PIWIL2: variants seen among roughly 807,000 people sequenced by gnomAD.
PIWIL2 encodes piwi-like protein 2.
In PIWIL2, 81 loss-of-function variants were observed where a neutral mutation model predicts 116.5. The ratio of observed to expected loss-of-function variants is 0.70; its 90% CI spans 0.58 to 0.84. The LOEUF is 0.84. PIWIL2 is among the 40% of genes least tolerant of loss of function. PIWIL2 has a pLI of 0.00. For synonymous variants in PIWIL2, 489 were observed against 429.5 expected (o/e 1.14, Z -1.71); for missense variants, 1,272 against 1,212.3 (o/e 1.05, Z -0.73).
chr8:22,304,691 A>G (rs372342855), intron 11 of PIWIL2, 93 bp from the exon 12 acceptor site: 2 of 691,694 alleles, frequency 2.9e-6, no homozygotes, highest in African/African-American at 1.7e-5. Context: ...TGCAAATTAT[A>G]TACCTCAGTC....
At position 22,287,602 on chromosome 8, in the gene PIWIL2, C is replaced by T. The variant is rs1304110900; in HGVS notation, c.818C>T (p.Ala273Val). 8 of 1,613,050 alleles carry T rather than the reference C, an allele frequency of 5.0e-6. No homozygotes were observed. Among genetic ancestry groups the T allele is most frequent in the Non-Finnish European group, 5.9e-6 (7 of 1,179,026 alleles). ...DHQAVTGNVT[A>V]FDGSILYLPV... ...CAAGCTGTCACCGGCAACGTCACTGCGTTTGATGGATCTATTCTCTATCTG... is the reference window on the plus strand; with the variant it reads ...CAAGCTGTCACCGGCAACGTCACTGTGTTTGATGGATCTATTCTCTATCTG... Residue 273 changes from alanine (A) to valine (V), a missense_variant, in exon 7 of 23, where the codon GCG becomes GTG. Transcript: ENST00000356766.
At position 22,309,969 on chromosome 8, in the gene PIWIL2, A is replaced by C; in HGVS notation, c.1695A>C (p.Gly565=). Residue 565 remains glycine, a synonymous_variant, in exon 15 of 23, where the codon GGA becomes GGC. Transcript: ENST00000356766. ...RLQKDVHKIE[G]RVLPMERINL... ...GTTTATTTTCTGTTTAGATTGAAGG[A>C]CGTGTTCTGCCAATGGAAAGAATTA... 6.3e-7 allele frequency: 1 copy of C among 1,587,692 alleles called. No individual in the cohort carries two copies.
At chr8:22,291,701 A>C (rs1830771948) in intron 10 of PIWIL2, among the ~76,000 whole-genome samples, 1 of 152,138 alleles carries the variant, frequency 6.6e-6, no homozygotes, top group African/African-American at 2.4e-5. Context: ...GGGCTTGTAA[A>C]TCTTTGCTCC....
chr8:22,327,808 G>A (rs1037854410), intron 20 of PIWIL2, among the ~76,000 whole-genome samples: 6 of 152,194 alleles, frequency 3.9e-5, no homozygotes, highest in East Asian at 1.9e-4. Context: ...GCTATTTGTC[G>A]TTTTGTTGTT....
chr8:22,278,270 C>T (rs1024093148), intron 1 of PIWIL2, among the ~76,000 whole-genome samples: 2 of 152,168 alleles, frequency 1.3e-5, no homozygotes, highest in African/African-American at 4.8e-5. Flanking sequence ...CCTATTATCC[C>T]AGCATTTTGG....
At chr8:22,316,190 A>G in intron 18 of PIWIL2, 55 bp from the exon 19 acceptor site, 1 of 1,015,408 alleles carries the variant, frequency 9.8e-7, no homozygotes, top group South Asian at 1.3e-5. Flanking sequence ...TTAAAAATGG[A>G]GGAATGCATT....
intron 19 of PIWIL2, 101 bp downstream of exon 19, chr8:22,316,434 T>C: frequency 1.3e-6 from 1 of 752,646 alleles, no homozygotes; most frequent in Non-Finnish European, 2.3e-6. Flanking sequence ...TATTACAATA[T>C]AAAGATTTCT....
chr8:22,311,707 T>G (rs2132044813), intron 16 of PIWIL2, among the ~76,000 whole-genome samples: 1 of 152,316 alleles, frequency 6.6e-6, no homozygotes, highest in South Asian at 2.1e-4. Context: ...GATGGCCCAT[T>G]GATTGGGTCC....
At chr8:22,302,450 A>T (rs1440830180) in intron 10 of PIWIL2, among the ~76,000 whole-genome samples, 2 of 152,076 alleles carry the variant, frequency 1.3e-5, no homozygotes, top group African/African-American at 4.8e-5. Flanking sequence ...AAGTGCTGGG[A>T]TTACAGGTGT....
intron 14 of PIWIL2, among the ~76,000 whole-genome samples, 159 bp downstream of exon 14, chr8:22,308,232 G>A (rs1831237632): frequency 6.6e-6 from 1 of 151,162 alleles, no homozygotes; most frequent in South Asian, 2.1e-4. Context: ...GTCTTATTGG[G>A]ATTACAGGTA....
In PIWIL2 at chr8:22,311,235, G is replaced by A; in HGVS notation, c.1924G>A (p.Val642Ile). The A allele has an allele frequency of 6.2e-7, 1 of 1,614,138 alleles. No individual in the cohort carries two copies. Among genetic ancestry groups the A allele is most frequent in the Non-Finnish European group, 8.5e-7 (1 of 1,180,008 alleles). ...CATGCGTATGAGCCCACCGGCCTGG[G>A]TTGAACTAAAGGATGACCGAATAGA... ...IGMRMSPPAWVELKDDRIETY... is the reference protein window; with the variant it reads ...IGMRMSPPAWIELKDDRIETY... Residue 642 changes from valine to isoleucine, a missense_variant, in exon 16 of 23, where the codon GTT becomes ATT. Coordinates refer to ENST00000356766, the MANE Select transcript of PIWIL2 (RefSeq NM_018068.5).
chr8:22,294,141 C>G (rs963061283), intron 10 of PIWIL2, among the ~76,000 whole-genome samples: 1 of 150,900 alleles, frequency 6.6e-6, no homozygotes, highest in Non-Finnish European at 1.5e-5. Context: ...AGTTCAAGAC[C>G]AGCCTGGCCA....
intron 15 of PIWIL2, 132 bp from the exon 16 acceptor site, chr8:22,310,980 A>G: frequency 1.1e-5 from 8 of 746,184 alleles, no homozygotes; most frequent in Non-Finnish European, 1.8e-5. Context: ...GTTCATGTTA[A>G]TACAGGAGTT....
intron 21 of PIWIL2, among the ~76,000 whole-genome samples, chr8:22,353,964 CAG>C (rs1832434395): frequency 6.6e-6 from 1 of 151,824 alleles, no homozygotes; most frequent in South Asian, 2.1e-4. Context: ...TTTGTAGAGA[CAG>C]GGTCTTGCCA....
chr8:22,305,172 C>CATTCATTT lies in PIWIL2; in HGVS notation c.1455+307_1455+308insCATTTATT, dbSNP rs35865110. Among the ~76,000 whole-genome samples the CATTCATTT allele has an allele frequency of 1.7e-3, 250 of 143,940 alleles. 2 individuals are homozygous for CATTCATTT. Among genetic ancestry groups the CATTCATTT allele is most frequent in the South Asian group, 5.4e-3 (23 of 4,284 alleles). 94.4% of individuals were successfully genotyped at this position (143,940 alleles called of 152,430 possible). ...ATCCATGAGGAAAGGTATAGATATT[C>CATTCATTT]ATTTATTTATTTATTTATTTATTTA... is the stretch of plus-strand genomic sequence containing the variant. On this transcript the variant is annotated intron_variant, in intron 12 of 22. Coordinates refer to ENST00000356766, the MANE Select transcript of PIWIL2 (RefSeq NM_018068.5).
At chr8:22,289,776 G>T (rs1830715572) in intron 8 of PIWIL2, 71 bp from the exon 9 acceptor site, 1 of 916,442 alleles carries the variant, frequency 1.1e-6, no homozygotes, top group Admixed American at 2.0e-5. Context: ...AAAGGCAAAT[G>T]TAGCTAAGAA....
intron 20 of PIWIL2, among the ~76,000 whole-genome samples, chr8:22,330,746 A>G (rs1368863331): frequency 6.6e-6 from 1 of 151,276 alleles, no homozygotes; most frequent in Non-Finnish European, 1.5e-5. Flanking sequence ...ATAAATAAAA[A>G]TAGTTGATAT....
chr8:22,282,647 GT>G (rs1305328939), intron 4 of PIWIL2, among the ~76,000 whole-genome samples: 1 of 151,984 alleles, frequency 6.6e-6, no homozygotes, highest in Non-Finnish European at 1.5e-5. Context: ...CTTTAGTGCA[GT>G]GGTGTGATCT....
intron 4 of PIWIL2, among the ~76,000 whole-genome samples, chr8:22,281,894 C>T (rs1389366055): frequency 7.0e-6 from 1 of 143,582 alleles, no homozygotes; most frequent in African/African-American, 2.6e-5. Flanking sequence ...GCCTCAGCCT[C>T]CCAGGTGTCT....
Sources: gnomAD v4.1 joint callset for allele counts (sites outside exome capture counted in the v4.1 genomes callset) on GRCh38, gnomAD v4.1.1 for gene constraint, MANE v1.5 for transcripts, NCBI Gene and HGNC (gene_info 2026-07-23, HGNC 2026-07-21) for gene names.